The following AGBL1 variants were observed in gnomAD, a reference collection of about 807,000 sequenced individuals.
AGBL1 encodes the protein cytosolic carboxypeptidase 4.
Under a neutral mutation model 118.9 loss-of-function variants are expected in AGBL1, and 130 were observed. The observed-to-expected ratio is 1.09, with a 90% CI of 0.95 to 1.26. AGBL1 has a LOEUF of 1.26. Ranked by LOEUF, AGBL1 falls within the 50% of genes most tolerant of loss-of-function variation. AGBL1 has a pLI of 0.00. For missense variants in AGBL1, 1,584 were observed against 1,298.1 expected, an observed-to-expected ratio of 1.22 and a Z score of -3.38; for synonymous variants, 555 against 478.9, an observed-to-expected ratio of 1.16 and a Z score of -2.08.
At chr15:86,997,842 T>C (rs1055754695) in intron 24 of AGBL1, among the ~76,000 whole-genome samples, 5 of 151,090 alleles carry the variant, frequency 3.3e-5, no homozygotes, top group Non-Finnish European at 5.9e-5. Flanking sequence ...ACATATTTCA[T>C]AACTCCTTAT....
intron 18 of AGBL1, among the ~76,000 whole-genome samples, chr15:86,496,272 C>T (rs1185869035): frequency 2.0e-5 from 3 of 152,032 alleles, no homozygotes; most frequent in Non-Finnish European, 4.4e-5. Context: ...TACCTGCTTC[C>T]CTTTTGCCTT....
chr15:86,590,425 C>A (rs986524840), intron 21 of AGBL1, among the ~76,000 whole-genome samples: 3 of 152,172 alleles, frequency 2.0e-5, no homozygotes, highest in Non-Finnish European at 4.4e-5. Context: ...TCTTCTCTGT[C>A]CTGCCACTAT....
rs1454686375 is a variant in AGBL1 at position 86,813,342 on chromosome 15, C to T, written c.3159-93745C>T. 2.6e-5 allele frequency among the ~76,000 whole-genome samples: 4 copies of T among 152,108 alleles called. No individual in the cohort carries two copies. The East Asian group carries it at 7.7e-4, about 29-fold the overall frequency. On this transcript the variant is annotated intron_variant, in intron 22 of 22. Coordinates refer to ENST00000614907, the MANE Select transcript of AGBL1 (RefSeq NM_001386094.1). ...CATTCTCGTTTTCCCAATGATTTTT[C>T]AAAAATACACATCTAATCTCAAGTA...
rs547546080 is a variant in AGBL1, at chr15:86,151,325, C to T, written c.263-3105C>T. On this transcript the variant is annotated intron_variant, in intron 3 of 22. Transcript: ENST00000614907. ...TTAAAAAAAAAAAAAAAAAGCTTATCCACCACAATCAAGTCAGCTTCATCC... is the reference window on the plus strand; with the variant it reads ...TTAAAAAAAAAAAAAAAAAGCTTATTCACCACAATCAAGTCAGCTTCATCC... 2.6e-5 allele frequency among the ~76,000 whole-genome samples: 4 copies of T among 151,334 alleles called. No homozygotes were observed. In the East Asian group the frequency reaches 7.8e-4, roughly 29 times the overall value.
intron 23 of AGBL1, among the ~76,000 whole-genome samples, chr15:86,965,512 T>C (rs2081041373): frequency 6.6e-6 from 1 of 152,094 alleles, no homozygotes; most frequent in African/African-American, 2.4e-5. Context: ...TTTAAGTTCT[T>C]TATAGATTCT....
chr15:86,349,829 A>G (rs2080597753), intron 17 of AGBL1, among the ~76,000 whole-genome samples: 1 of 152,240 alleles, frequency 6.6e-6, no homozygotes, highest in Non-Finnish European at 1.5e-5. Flanking sequence ...TATTGGAAAG[A>G]GCTCTGGAAG....
chr15:87,010,810 CCTAT>C (rs946724148), intron 24 of AGBL1, among the ~76,000 whole-genome samples: 1 of 152,128 alleles, frequency 6.6e-6, no homozygotes, highest in Non-Finnish European at 1.5e-5. Flanking sequence ...TAATAAATCT[CCTAT>C]CTGTCATCTA....
At chr15:86,107,434 G>A (rs1449923783) in intron 1 of AGBL1, 1 of 152,192 alleles carries the variant, frequency 6.6e-6, no homozygotes, top group Non-Finnish European at 1.5e-5. Context: ...TCTATAAAAT[G>A]AGGAAAATGA....
chr15:86,872,482 G>GCAGT (rs2079743787), intron 22 of AGBL1, among the ~76,000 whole-genome samples: 1 of 152,192 alleles, frequency 6.6e-6, no homozygotes, highest in African/African-American at 2.4e-5. Context: ...GGCCGTGGGT[G>GCAGT]CAGTGGCCCA....
At chr15:86,183,074 G>T (rs922482320) in intron 5 of AGBL1, among the ~76,000 whole-genome samples, 3 of 152,190 alleles carry the variant, frequency 2.0e-5, no homozygotes, top group Non-Finnish European at 4.4e-5. Context: ...TTATCCAAAA[G>T]ATTCTTACGT....
At chr15:86,851,468 A>C (rs1281251191) in intron 22 of AGBL1, among the ~76,000 whole-genome samples, 2 of 152,212 alleles carry the variant, frequency 1.3e-5, no homozygotes, top group African/African-American at 4.8e-5. Context: ...CATTGAGAAC[A>C]GGAGGTCTGT....
intron 1 of AGBL1, among the ~76,000 whole-genome samples, chr15:86,111,201 C>A (rs1037166043): frequency 6.6e-6 from 1 of 152,194 alleles, no homozygotes; most frequent in Admixed American, 6.5e-5. Flanking sequence ...GATTCCATGA[C>A]CTTCTCTCTT....
At chr15:86,950,901 AAAAAT>A (rs1291633046) in intron 23 of AGBL1, among the ~76,000 whole-genome samples, 5 of 152,160 alleles carry the variant, frequency 3.3e-5, no homozygotes, top group Admixed American at 6.6e-5. Context: ...AGATAAATAA[AAAAAT>A]AAAATAAAAA....
chr15:86,405,177 T>C (rs2081506695), intron 18 of AGBL1, among the ~76,000 whole-genome samples: 1 of 152,182 alleles, frequency 6.6e-6, no homozygotes, highest in African/African-American at 2.4e-5. Context: ...TTAATCAGTC[T>C]TCTAGTCTTG....
At chr15:86,639,929 T>C (rs1006934374) in intron 21 of AGBL1, among the ~76,000 whole-genome samples, 23 of 152,324 alleles carry the variant, frequency 1.5e-4, no homozygotes, top group Admixed American at 9.8e-4. Context: ...TCTGCTTTCT[T>C]GTATTTCCCA....
At chr15:86,277,284 G>GAA (rs1799445513) in intron 15 of AGBL1, among the ~76,000 whole-genome samples, 1 of 109,434 alleles carries the variant, frequency 9.1e-6, no homozygotes, top group Non-Finnish European at 1.8e-5. Context: ...AGGAGAGAGA[G>GAA]AGAGAGTGTG....
intron 5 of AGBL1, among the ~76,000 whole-genome samples, chr15:86,185,814 G>T (rs548085841): frequency 1.9e-3 from 284 of 152,136 alleles, no homozygotes; most frequent in African/African-American, 6.5e-3. Context: ...TAAATGACGA[G>T]TTAATGGGTG....
intron 19 of AGBL1, among the ~76,000 whole-genome samples, chr15:86,526,092 G>C (rs1286467271): frequency 6.6e-6 from 1 of 152,108 alleles, no homozygotes; most frequent in Non-Finnish European, 1.5e-5. Context: ...AGTTATATGA[G>C]TGACCAAGAA....
In AGBL1 at chr15:86,579,832, G is replaced by A. The variant is rs60110762; in HGVS notation, c.2994+25295G>A. On this transcript the variant is annotated intron_variant, in intron 21 of 22. Coordinates refer to ENST00000614907, the MANE Select transcript of AGBL1 (RefSeq NM_001386094.1). The stretch of plus-strand genomic sequence containing the variant: ...AGATATTCAGGAGGTGCAATTGACC[G>A]GACTGGATAATTGGTTGGTTGAGGT... Among the ~76,000 whole-genome samples the A allele has an allele frequency of 7.6e-3, 1,152 of 152,242 alleles. 24 individuals carry two copies. The highest frequency in any genetic ancestry group is 0.062 in the South Asian group (296 of 4,808).
Sources: allele counts gnomAD v4.1 joint callset (sites outside exome capture counted in the v4.1 genomes callset), GRCh38; gene constraint gnomAD v4.1.1; transcripts MANE v1.5; gene names NCBI Gene and HGNC (gene_info 2026-07-23, HGNC 2026-07-21).